The following HECW2 variants were observed in gnomAD, a reference collection of about 807,000 sequenced individuals.
The protein encoded by HECW2 is HECT, C2 and WW domain containing E3 ubiquitin protein ligase 2.
HECW2 carries 61 observed loss-of-function variants against 175.2 expected under a neutral mutation model. The observed-to-expected ratio is 0.35, with a 90% confidence interval of 0.28 to 0.43. The LOEUF (loss-of-function observed/expected upper bound fraction) is 0.43. Ranked by LOEUF, HECW2 falls within the 20% of genes least tolerant of loss-of-function variation. The pLI, the probability that HECW2 is intolerant of heterozygous loss-of-function variation, is 1.00. For synonymous variants in HECW2, 671 were observed against 731.0 expected (o/e 0.92, Z 1.32); for missense variants, 1,524 against 2,000.5 (o/e 0.76, Z 4.54).
chr2:196,489,682 A>G (rs1421309308), intron 1 of HECW2, among the ~76,000 whole-genome samples: 4 of 152,214 alleles, frequency 2.6e-5, no homozygotes, highest in African/African-American at 9.6e-5. Flanking sequence ...TTGGCCCCAG[A>G]CTTGGGAAGT....
intron 2 of HECW2, among the ~76,000 whole-genome samples, chr2:196,379,989 T>C (rs1694165217): frequency 6.6e-6 from 1 of 152,034 alleles, no homozygotes; most frequent in African/African-American, 2.4e-5. Flanking sequence ...TTTGCTTAAA[T>C]CAATTATTTT....
rs768050752 is a variant in HECW2, at chr2:196,334,457, G to C, written c.462C>G (p.Thr154=). 1.2e-6 allele frequency: 2 copies of C among 1,610,546 alleles called. No homozygotes were observed. Among genetic ancestry groups the C allele is most frequent in the Non-Finnish European group, 1.7e-6 (2 of 1,178,602 alleles). Reference sequence around the variant, plus strand: ...CTGGGTTCTTCACGGTGATGCAGGGGGTCGTGGCTCGCAGGGCTCCACTAA... The same window carrying C: ...CTGGGTTCTTCACGGTGATGCAGGGCGTCGTGGCTCGCAGGGCTCCACTAA... ...HGISGALRAT[T]PCITVKNPAV... Residue 154 remains threonine, a synonymous_variant, in exon 4 of 29, where the codon ACC becomes ACG. Coordinates refer to ENST00000644978, the MANE Select transcript of HECW2 (RefSeq NM_001348768.2).
At chr2:196,232,988 CCTAT>C (rs1344862847) in intron 21 of HECW2, among the ~76,000 whole-genome samples, 1 of 152,184 alleles carries the variant, frequency 6.6e-6, no homozygotes, top group African/African-American at 2.4e-5. Flanking sequence ...CTTAGAACTG[CCTAT>C]CTGAGAGCAG....
At chr2:196,493,538 G>A (rs1687275509) in intron 1 of HECW2, among the ~76,000 whole-genome samples, 1 of 152,136 alleles carries the variant, frequency 6.6e-6, no homozygotes, top group Non-Finnish European at 1.5e-5. Flanking sequence ...TTTTAAAGCA[G>A]TATGATGTAA....
chr2:196,317,377 T>G lies in HECW2; in HGVS notation c.2339-8A>C. The G allele has an allele frequency of 1.2e-6, 2 of 1,600,666 alleles. No homozygotes were observed. The highest frequency in any genetic ancestry group is 1.7e-6 in the Non-Finnish European group (2 of 1,170,372). ...GGCCGTTGGCTTGAGAACCTAGGATTAAAGGTAGAAAGTTACCAGGTATTG... is the reference window on the plus strand; with the variant it reads ...GGCCGTTGGCTTGAGAACCTAGGATGAAAGGTAGAAAGTTACCAGGTATTG... On this transcript the variant is annotated splice_polypyrimidine_tract_variant and splice_region_variant and intron_variant, in intron 9 of 28. Coordinates refer to ENST00000644978, the MANE Select transcript of HECW2 (RefSeq NM_001348768.2).
chr2:196,495,091 T>C (rs985717624), intron 1 of HECW2, among the ~76,000 whole-genome samples: 1 of 150,822 alleles, frequency 6.6e-6, no homozygotes, highest in Non-Finnish European at 1.5e-5. Flanking sequence ...TTTTTTGAGA[T>C]GGAGTCTCGC....
chr2:196,218,801 C>T (rs12621824), intron 26 of HECW2, among the ~76,000 whole-genome samples: 53,701 of 151,988 alleles, frequency 0.35, 9,768 homozygotes, highest in East Asian at 0.45. Flanking sequence ...CAGTAAAAAT[C>T]GATGGGTTAA....
At chr2:196,526,479 G>C (rs1042090600) in intron 1 of HECW2, among the ~76,000 whole-genome samples, 27 of 152,086 alleles carry the variant, frequency 1.8e-4, no homozygotes, top group Non-Finnish European at 3.7e-4. Flanking sequence ...CTCTCAGCTC[G>C]TCAACGTCAT....
At chr2:196,245,465 A>G (rs1469246555) in intron 19 of HECW2, among the ~76,000 whole-genome samples, 1 of 152,206 alleles carries the variant, frequency 6.6e-6, no homozygotes, top group Admixed American at 6.5e-5. Context: ...AACTTTATAC[A>G]TATTGACTTG....
chr2:196,285,158 T>G (rs2106007395), intron 14 of HECW2, among the ~76,000 whole-genome samples: 1 of 152,300 alleles, frequency 6.6e-6, no homozygotes, highest in South Asian at 2.1e-4. Flanking sequence ...CTTTACACAA[T>G]TCTTTCTTTT....
Position 196,418,336 on chromosome 2 carries a change from G to C in HECW2, c.292+14796C>G, listed in dbSNP as rs1291609647. Reference sequence around the variant, plus strand: ...GAAGAGACGGGGTTTCACTGTGTTAGCCAGGATGGTCTCGATTTCCTGACC... The same window carrying C: ...GAAGAGACGGGGTTTCACTGTGTTACCCAGGATGGTCTCGATTTCCTGACC... On this transcript the variant is annotated intron_variant, in intron 2 of 28. Coordinates refer to ENST00000644978, the MANE Select transcript of HECW2 (RefSeq NM_001348768.2). 3.9e-5 allele frequency among the ~76,000 whole-genome samples: 6 copies of C among 152,204 alleles called. No homozygotes were observed. In the East Asian group the frequency reaches 1.2e-3, roughly 29 times the overall value.
Position 196,322,461 on chromosome 2 carries a change from AGGTAAGG to A in HECW2, c.884+10_884+16del. The A allele has an allele frequency of 1.2e-6, 2 of 1,600,526 alleles. No individual in the cohort carries two copies. Among genetic ancestry groups the A allele is most frequent in the Non-Finnish European group, 1.7e-6 (2 of 1,174,844 alleles). ...GAACTAATCTCAACAAGATCCCCAA[AGGTAAGG>A]GCTGATTACCCGATGGCTTGTCGCT... On this transcript the variant is annotated intron_variant, in intron 7 of 28. Coordinates refer to ENST00000644978, the MANE Select transcript of HECW2 (RefSeq NM_001348768.2).
Position 196,194,127 on chromosome 2 carries a change from A to G in HECW2, c.*7150T>C, listed in dbSNP as rs1458781476. On this transcript the variant is annotated 3_prime_UTR_variant, in exon 29 of 29. Coordinates refer to ENST00000644978, the MANE Select transcript of HECW2 (RefSeq NM_001348768.2). ...TTCATTCCTTTAACATTAACAGCCC[A>G]TCAAACAGTAAAATATTCTTGTAGG... 6.6e-6 allele frequency: 1 copy of G among 152,176 alleles called. No homozygotes were observed. Among genetic ancestry groups the G allele is most frequent in the East Asian group, 1.9e-4 (1 of 5,206 alleles). The allele number at this position is 152,176 out of a possible 1,614,324, so 9.4% of individuals were successfully genotyped here.
intron 16 of HECW2, among the ~76,000 whole-genome samples, chr2:196,272,959 A>T (rs1689795533): frequency 6.6e-6 from 1 of 151,562 alleles, no homozygotes. Flanking sequence ...CAAGCTTCTT[A>T]GGTCATGGGC....
At chr2:196,233,444 G>A (rs1039049596) in intron 21 of HECW2, among the ~76,000 whole-genome samples, 33 of 152,116 alleles carry the variant, frequency 2.2e-4, no homozygotes, top group African/African-American at 7.7e-4. Flanking sequence ...AAGAATTACT[G>A]AAAACTAAGT....
chr2:196,312,044 C>G (rs1211255598), intron 10 of HECW2, among the ~76,000 whole-genome samples: 1 of 152,264 alleles, frequency 6.6e-6, no homozygotes, highest in East Asian at 1.9e-4. Flanking sequence ...TTTTTAAAAT[C>G]AACATATGTG....
chr2:196,315,153 T>A (rs1270463519), intron 10 of HECW2, among the ~76,000 whole-genome samples: 2 of 4,858 alleles, frequency 4.1e-4, no homozygotes, highest in Non-Finnish European at 1.2e-3. Context: ...TGTATGAGTG[T>A]GTGTGTGTGT....
chr2:196,575,619 T>C (rs1186461365), intron 1 of HECW2, among the ~76,000 whole-genome samples: 2 of 152,164 alleles, frequency 1.3e-5, no homozygotes, highest in South Asian at 2.1e-4. Context: ...ATGGGCTGCA[T>C]AGATGACAGC....
At chr2:196,461,614 A>T (rs1253524710) in intron 1 of HECW2, among the ~76,000 whole-genome samples, 2 of 152,186 alleles carry the variant, frequency 1.3e-5, no homozygotes, top group Non-Finnish European at 2.9e-5. Context: ...TAATTGACTC[A>T]CAGTTCAGTA....
Sources: allele counts gnomAD v4.1 joint callset (sites outside exome capture counted in the v4.1 genomes callset), GRCh38; gene constraint gnomAD v4.1.1; transcripts MANE v1.5; gene names NCBI Gene and HGNC (gene_info 2026-07-23, HGNC 2026-07-21).